The following EYS variants were observed in gnomAD, a reference collection of about 807,000 sequenced individuals.
EYS encodes the protein protein eyes shut homolog.
Under a neutral mutation model 282.1 loss-of-function variants are expected in EYS, and 250 were observed. The ratio of observed to expected loss-of-function variants is 0.89; its 90% CI spans 0.80 to 0.98. The LOEUF (loss-of-function observed/expected upper bound fraction) is 0.98, where lower values mean the gene tolerates loss of function less well. Among genes scored for constraint, EYS ranks in the 50% least tolerant of loss-of-function variants. The pLI, the probability that EYS is intolerant of heterozygous loss-of-function variation, is 0.00. For missense variants in EYS, 4,016 were observed against 3,709.0 expected, an observed-to-expected ratio of 1.08 and a Z score of -2.15; for synonymous variants, 1,355 against 1,282.9, an observed-to-expected ratio of 1.06 and a Z score of -1.20.
At chr6:65,506,460 CTTTTTTTTTTTTTTTTTTTTTTTTTT>C (rs58326040) in intron 2 of EYS, among the ~76,000 whole-genome samples, 140 of 64,896 alleles carry the variant, frequency 2.2e-3, no homozygotes, top group Admixed American at 9.8e-3. Flanking sequence ...TCCTTCCTTT[CTTTTTTTTTTTTTTTTTTTTTTTTTT>C]TTTTTTTTTT....
At chr6:63,744,980 G>C in intron 41 of EYS, 1 of 434,588 alleles carries the variant, frequency 2.3e-6, no homozygotes, top group Non-Finnish European at 4.6e-6. Context: ...AAAAATGTTG[G>C]ATAAATTATT....
chr6:64,603,956 A>G (rs551322082), intron 24 of EYS, among the ~76,000 whole-genome samples: 76 of 151,776 alleles, frequency 5.0e-4, no homozygotes, highest in Non-Finnish European at 6.0e-4. Flanking sequence ...AAGAATATAT[A>G]TAATGCTGGT....
At chr6:64,079,733 C>A (rs1419472174) in intron 32 of EYS, among the ~76,000 whole-genome samples, 1 of 152,100 alleles carries the variant, frequency 6.6e-6, no homozygotes, top group African/African-American at 2.4e-5. Context: ...TCCCCTGATA[C>A]CACAACAGGC....
At chr6:65,189,677 C>T (rs1310717118) in intron 12 of EYS, among the ~76,000 whole-genome samples, 1 of 151,674 alleles carries the variant, frequency 6.6e-6, no homozygotes, top group Non-Finnish European at 1.5e-5. Context: ...CCTGGTAATG[C>T]ACCTTCTTAG....
At chr6:65,365,434 T>C (rs1344228393) in intron 8 of EYS, among the ~76,000 whole-genome samples, 4 of 151,612 alleles carry the variant, frequency 2.6e-5, no homozygotes, top group Non-Finnish European at 5.9e-5. Context: ...TATCTCCCCC[T>C]GTGTGAGTGC....
chr6:65,181,771 C>T lies in EYS; in HGVS notation c.2023+114092G>A, dbSNP rs548685025. 5.7e-4 allele frequency among the ~76,000 whole-genome samples: 86 copies of T among 152,088 alleles called. 1 individual carries two copies. The East Asian group carries it at 0.013, about 24-fold the overall frequency. Reference sequence around the variant, plus strand: ...GACACATGCACACGTATGTTTATTGCGGCACTATTCACAATAGCAAAGACT... The same window carrying T: ...GACACATGCACACGTATGTTTATTGTGGCACTATTCACAATAGCAAAGACT... On this transcript the variant is annotated intron_variant, in intron 12 of 42. Transcript: ENST00000503581.
At chr6:64,497,621 A>T (rs141746811) in intron 26 of EYS, among the ~76,000 whole-genome samples, 12 of 152,160 alleles carry the variant, frequency 7.9e-5, no homozygotes, top group African/African-American at 2.4e-4. Flanking sequence ...GGGGTGATAT[A>T]CTAAACTGAT....
intron 12 of EYS, among the ~76,000 whole-genome samples, chr6:65,184,441 C>T (rs1295474401): frequency 6.6e-6 from 1 of 151,848 alleles, no homozygotes; most frequent in Non-Finnish European, 1.5e-5. Flanking sequence ...AAAGTCCCTT[C>T]TCCCAATACT....
intron 36 of EYS, 139 bp from the exon 37 acceptor site, chr6:63,806,511 G>A (rs1770913384): frequency 1.5e-6 from 1 of 657,058 alleles, no homozygotes; most frequent in African/African-American, 1.8e-5. Flanking sequence ...CTTCAGCATT[G>A]AGCAACTAAG....
chr6:63,790,520 T>C (rs149893830), intron 37 of EYS, among the ~76,000 whole-genome samples: 3 of 152,322 alleles, frequency 2.0e-5, no homozygotes, highest in Admixed American at 6.5e-5. Context: ...ACCGAGTACA[T>C]TGGGAACTTA....
chr6:63,829,325 A>C (rs560083609), intron 36 of EYS, among the ~76,000 whole-genome samples: 8 of 152,216 alleles, frequency 5.3e-5, no homozygotes, highest in African/African-American at 1.9e-4. Context: ...AAGGGAAGCC[A>C]TGACAGATGG....
At chr6:64,118,368 T>G (rs945483765) in intron 31 of EYS, among the ~76,000 whole-genome samples, 1 of 151,998 alleles carries the variant, frequency 6.6e-6, no homozygotes, top group Admixed American at 6.5e-5. Context: ...GAATATAAAA[T>G]GCAGAAATAA....
chr6:65,437,163 G>A (rs111775385), intron 5 of EYS, among the ~76,000 whole-genome samples: 1,972 of 152,150 alleles, frequency 0.013, 36 homozygotes, highest in South Asian at 0.04. Context: ...CTGAATTTAT[G>A]CAACTCTGCT....
chr6:64,519,246 G>A (rs541662412), intron 26 of EYS, among the ~76,000 whole-genome samples: 14 of 151,830 alleles, frequency 9.2e-5, no homozygotes, highest in African/African-American at 3.1e-4. Context: ...CGGCACCTGC[G>A]AGGGATTATG....
intron 8 of EYS, among the ~76,000 whole-genome samples, chr6:65,354,576 G>C (rs1192174684): frequency 6.6e-6 from 1 of 152,100 alleles, no homozygotes. Flanking sequence ...AGCACTTTGG[G>C]ATGCCAAGGC....
chr6:65,686,902 T>A (rs146070739), intron 1 of EYS, among the ~76,000 whole-genome samples: 3 of 151,898 alleles, frequency 2.0e-5, no homozygotes, highest in Non-Finnish European at 4.4e-5. Flanking sequence ...GGTGACAACA[T>A]GAAAAATTGA....
intron 42 of EYS, among the ~76,000 whole-genome samples, chr6:63,723,127 CAAA>C (rs1428224243): frequency 6.6e-6 from 1 of 152,056 alleles, no homozygotes; most frequent in African/African-American, 2.4e-5. Flanking sequence ...GAATATTTCT[CAAA>C]TAATAGTTTT....
chr6:64,440,883 A>G (rs1774920144), intron 26 of EYS, among the ~76,000 whole-genome samples: 1 of 152,184 alleles, frequency 6.6e-6, no homozygotes, highest in South Asian at 2.1e-4. Context: ...TTTAAAAACT[A>G]TGGATGAATT....
At chr6:64,481,678 G>T (rs189388324) in intron 26 of EYS, among the ~76,000 whole-genome samples, 1 of 142,124 alleles carries the variant, frequency 7.0e-6, no homozygotes, top group African/African-American at 2.5e-5. Flanking sequence ...AAGAGAAAAC[G>T]GCCTGAGAGG....
Sources: allele counts gnomAD v4.1 joint callset (sites outside exome capture counted in the v4.1 genomes callset), GRCh38; gene constraint gnomAD v4.1.1; transcripts MANE v1.5; gene names NCBI Gene and HGNC (gene_info 2026-07-23, HGNC 2026-07-21).